The following KCNH5 variants were observed in gnomAD, a reference collection of about 807,000 sequenced individuals.
KCNH5 encodes potassium voltage-gated channel subfamily H member 5.
KCNH5 carries 46 observed loss-of-function variants against 96.1 expected under a neutral mutation model. The observed-to-expected ratio is 0.48, with a 90% CI of 0.38 to 0.61. The LOEUF is 0.61. Among genes scored for constraint, KCNH5 ranks in the 20% least tolerant of loss-of-function variants. KCNH5 has a pLI of 0.00. For missense variants in KCNH5, 907 were observed against 1,225.8 expected (o/e 0.74, Z 3.88); for synonymous variants, 439 against 449.8 (o/e 0.98, Z 0.30).
At chr14:62,802,250 T>C in intron 9 of KCNH5, 79 bp downstream of exon 9, 4 of 1,455,638 alleles carry the variant, frequency 2.7e-6, no homozygotes, top group Non-Finnish European at 3.8e-6. Flanking sequence ...AAAGGAAATT[T>C]CTCTTTAAAA....
At chr14:62,781,665 A>G (rs2139977788) in intron 9 of KCNH5, among the ~76,000 whole-genome samples, 1 of 152,324 alleles carries the variant, frequency 6.6e-6, no homozygotes, top group South Asian at 2.1e-4. Flanking sequence ...GAAGAGAACT[A>G]TGGCTCTGTT....
intron 7 of KCNH5, among the ~76,000 whole-genome samples, chr14:62,896,231 C>T (rs776338502): frequency 6.6e-6 from 1 of 152,140 alleles, no homozygotes; most frequent in Non-Finnish European, 1.5e-5. Context: ...GTCAATAGGC[C>T]ACCTACAGCT....
rs1453791250 is a variant in KCNH5 at position 62,987,205 on chromosome 14, A to G, written c.434-18T>C. ...CGTCCAACCTTAAAAATAAGGAAAG[A>G]AAGTCTCAGTTTTTCATACAAATGA... On this transcript the variant is annotated intron_variant, in intron 4 of 10. Coordinates refer to ENST00000322893, the MANE Select transcript of KCNH5 (RefSeq NM_139318.5). 1.9e-6 allele frequency: 3 copies of G among 1,558,638 alleles called. No individual in the cohort carries two copies. The highest frequency in any genetic ancestry group is 2.7e-6 in the Non-Finnish European group (3 of 1,130,110).
At chr14:62,734,460 C>A (rs1033473265) in intron 10 of KCNH5, among the ~76,000 whole-genome samples, 1 of 152,066 alleles carries the variant, frequency 6.6e-6, no homozygotes, top group African/African-American at 2.4e-5. Flanking sequence ...GCCTCCATGC[C>A]TTTTGAGGTC....
At chr14:62,943,197 C>T (rs115109776) in intron 7 of KCNH5, among the ~76,000 whole-genome samples, 1,673 of 152,062 alleles carry the variant, frequency 0.011, 47 homozygotes, top group African/African-American at 0.037. Context: ...TCCCTTATAA[C>T]GGCTGGATTA....
chr14:62,910,963 C>A (rs546946076), intron 7 of KCNH5, among the ~76,000 whole-genome samples: 1 of 148,424 alleles, frequency 6.7e-6, no homozygotes, highest in Non-Finnish European at 1.5e-5. Flanking sequence ...TTCTGTCATC[C>A]TATACCCTAC....
At chr14:62,939,463 G>A (rs1889746449) in intron 7 of KCNH5, among the ~76,000 whole-genome samples, 3 of 152,044 alleles carry the variant, frequency 2.0e-5, no homozygotes, top group Admixed American at 1.3e-4. Context: ...ATTTCCATCA[G>A]AATAACCTGC....
intron 10 of KCNH5, among the ~76,000 whole-genome samples, chr14:62,755,062 G>T (rs1595608064): frequency 6.6e-6 from 1 of 150,608 alleles, no homozygotes; most frequent in Non-Finnish European, 1.5e-5. Context: ...AAAAGCAAGA[G>T]AAAACAAAAC....
At chr14:62,821,246 T>C (rs891141764) in intron 8 of KCNH5, among the ~76,000 whole-genome samples, 1 of 152,036 alleles carries the variant, frequency 6.6e-6, no homozygotes, top group Non-Finnish European at 1.5e-5. Context: ...ATGATAATGA[T>C]TTCTATAATT....
At chr14:62,812,037 G>A (rs539015359) in intron 8 of KCNH5, among the ~76,000 whole-genome samples, 2 of 152,270 alleles carry the variant, frequency 1.3e-5, no homozygotes, top group South Asian at 4.1e-4. Flanking sequence ...TAAAGGTTAT[G>A]TGACTTGCTC....
intron 8 of KCNH5, among the ~76,000 whole-genome samples, chr14:62,825,645 T>C (rs914630119): frequency 1.3e-5 from 2 of 152,170 alleles, no homozygotes; most frequent in Admixed American, 6.5e-5. Flanking sequence ...GTGATTAACA[T>C]ATTGAACTTG....
At chr14:62,878,833 T>C (rs1484428289) in intron 7 of KCNH5, among the ~76,000 whole-genome samples, 1 of 152,178 alleles carries the variant, frequency 6.6e-6, no homozygotes, top group East Asian at 1.9e-4. Flanking sequence ...GTCTTCTCCT[T>C]ATATCTTCAC....
intron 1 of KCNH5, among the ~76,000 whole-genome samples, chr14:63,029,554 A>C (rs1280428376): frequency 6.6e-6 from 1 of 152,048 alleles, no homozygotes; most frequent in Non-Finnish European, 1.5e-5. Context: ...TGTATGTAAG[A>C]GAAGAACCTA....
chr14:62,884,297 G>T (rs1171872723), intron 7 of KCNH5, among the ~76,000 whole-genome samples: 1 of 152,106 alleles, frequency 6.6e-6, no homozygotes, highest in African/African-American at 2.4e-5. Context: ...AATTGACTTA[G>T]AAATGAAAAT....
chr14:62,704,069 C>A lies in KCNH5; in HGVS notation c.*3439G>T, dbSNP rs1420691605. ...AGGGAAAATGTGATTTTCATTTGGGCTCCAATAAGGTTAATTTTGATAATG... is the reference window on the plus strand; with the variant it reads ...AGGGAAAATGTGATTTTCATTTGGGATCCAATAAGGTTAATTTTGATAATG... On this transcript the variant is annotated 3_prime_UTR_variant, in exon 11 of 11. Transcript: ENST00000322893. The A allele has an allele frequency of 6.6e-6, 1 of 151,842 alleles. No individual in the cohort carries two copies. Among genetic ancestry groups the A allele is most frequent in the East Asian group, 1.9e-4 (1 of 5,190 alleles). The allele number at this position is 151,842 out of a possible 1,614,324, so 9.4% of individuals were successfully genotyped here. A position where few individuals can be genotyped will look rare whatever the true frequency, so the allele number is the denominator to read the frequency against.
chr14:62,962,877 A>G (rs1566723665), intron 6 of KCNH5, among the ~76,000 whole-genome samples: 1 of 152,130 alleles, frequency 6.6e-6, no homozygotes, highest in Admixed American at 6.6e-5. Context: ...GCAAAAAATA[A>G]CCTTCAACTA....
intron 8 of KCNH5, among the ~76,000 whole-genome samples, chr14:62,815,882 C>A (rs1214284517): frequency 6.6e-6 from 1 of 151,750 alleles, no homozygotes; most frequent in African/African-American, 2.4e-5. Flanking sequence ...CACACACACA[C>A]AAAACACCAA....
chr14:62,842,881 A>C (rs1887613932), intron 8 of KCNH5, among the ~76,000 whole-genome samples: 2 of 152,216 alleles, frequency 1.3e-5, no homozygotes, highest in African/African-American at 2.4e-5. Flanking sequence ...AATCCCTTAA[A>C]TACATATATG....
At chr14:62,768,407 T>A (rs1396191483) in intron 10 of KCNH5, among the ~76,000 whole-genome samples, 1 of 152,158 alleles carries the variant, frequency 6.6e-6, no homozygotes, top group East Asian at 1.9e-4. Flanking sequence ...TAAATGAAAA[T>A]GATGTGATAG....
Sources: allele counts gnomAD v4.1 joint callset (sites outside exome capture counted in the v4.1 genomes callset), GRCh38; gene constraint gnomAD v4.1.1; transcripts MANE v1.5; gene names NCBI Gene and HGNC (gene_info 2026-07-23, HGNC 2026-07-21).